SGCZ: variants seen among roughly 807,000 people sequenced by gnomAD.
SGCZ encodes the protein sarcoglycan zeta.
SGCZ carries 40 observed loss-of-function variants against 41.3 expected under a neutral mutation model. That is an observed-to-expected ratio of 0.97 (90% CI 0.75 to 1.26). The LOEUF (loss-of-function observed/expected upper bound fraction) is 1.26. SGCZ is among the 50% of genes most tolerant of loss of function. SGCZ has a pLI of 0.00. For missense variants in SGCZ, 552 were observed against 369.8 expected, an observed-to-expected ratio of 1.49 and a Z score of -4.04; for synonymous variants, 206 against 137.5, an observed-to-expected ratio of 1.50 and a Z score of -3.49.
chr8:14,807,458 C>T (rs917635773), intron 1 of SGCZ, among the ~76,000 whole-genome samples: 5 of 152,044 alleles, frequency 3.3e-5, no homozygotes, highest in African/African-American at 1.2e-4. Flanking sequence ...AGAGCCAAAT[C>T]ATGAGTGAAC....
intron 2 of SGCZ, among the ~76,000 whole-genome samples, chr8:14,481,329 A>T (rs1801529328): frequency 6.6e-6 from 1 of 152,230 alleles, no homozygotes. Flanking sequence ...GGAGACTCAT[A>T]CATGACTTAT....
At chr8:14,508,775 A>C (rs969289085) in intron 2 of SGCZ, among the ~76,000 whole-genome samples, 1 of 152,186 alleles carries the variant, frequency 6.6e-6, no homozygotes, top group African/African-American at 2.4e-5. Flanking sequence ...ACCGTTTCAC[A>C]TGTATTTATG....
At chr8:14,834,398 C>A (rs1802629517) in intron 1 of SGCZ, among the ~76,000 whole-genome samples, 1 of 152,086 alleles carries the variant, frequency 6.6e-6, no homozygotes, top group Non-Finnish European at 1.5e-5. Flanking sequence ...ATTACCAAAT[C>A]AATTTTTAAG....
At chr8:14,979,412 A>C (rs1801589438) in intron 1 of SGCZ, among the ~76,000 whole-genome samples, 1 of 152,214 alleles carries the variant, frequency 6.6e-6, no homozygotes, top group Admixed American at 6.5e-5. Context: ...TAGCCATTAA[A>C]AATTAAAGAA....
chr8:14,736,013 T>C (rs1276958350), intron 1 of SGCZ, among the ~76,000 whole-genome samples: 1 of 152,082 alleles, frequency 6.6e-6, no homozygotes, highest in Admixed American at 6.6e-5. Flanking sequence ...GTAAGCAGGC[T>C]GAGACCTAAA....
At chr8:14,314,164 T>C (rs1801640253) in intron 3 of SGCZ, among the ~76,000 whole-genome samples, 1 of 152,076 alleles carries the variant, frequency 6.6e-6, no homozygotes, top group Non-Finnish European at 1.5e-5. Context: ...AACATGCTTT[T>C]TTGTTTGTTT....
intron 1 of SGCZ, among the ~76,000 whole-genome samples, chr8:14,675,669 G>C (rs1263665871): frequency 6.6e-6 from 1 of 152,154 alleles, no homozygotes; most frequent in Non-Finnish European, 1.5e-5. Flanking sequence ...TGGACAGAAA[G>C]AGAGGGACAG....
chr8:15,154,475 T>C (rs1309037710), intron 1 of SGCZ, among the ~76,000 whole-genome samples: 1 of 151,932 alleles, frequency 6.6e-6, no homozygotes, highest in Non-Finnish European at 1.5e-5. Flanking sequence ...TTAGAGAGGG[T>C]CACCAGAGAG....
At chr8:14,344,743 G>C (rs1802833213) in intron 2 of SGCZ, among the ~76,000 whole-genome samples, 1 of 152,038 alleles carries the variant, frequency 6.6e-6, no homozygotes, top group Non-Finnish European at 1.5e-5. Context: ...GAATGAAACA[G>C]TCAATTGTGG....
At chr8:15,232,357 AT>A (rs1337818210) in intron 1 of SGCZ, among the ~76,000 whole-genome samples, 1 of 152,138 alleles carries the variant, frequency 6.6e-6, no homozygotes, top group African/African-American at 2.4e-5. Context: ...TGTATTTTCA[AT>A]TGGTAAACTC....
intron 1 of SGCZ, among the ~76,000 whole-genome samples, chr8:14,858,998 C>G (rs2130673461): frequency 6.6e-6 from 1 of 152,116 alleles, no homozygotes; most frequent in South Asian, 2.1e-4. Flanking sequence ...GAAAAAAAGA[C>G]CTAATATTCA....
At chr8:14,748,088 G>A (rs1799391158) in intron 1 of SGCZ, among the ~76,000 whole-genome samples, 1 of 151,960 alleles carries the variant, frequency 6.6e-6, no homozygotes, top group South Asian at 2.1e-4. Context: ...TGGCATGTAA[G>A]AATCACATAC....
intron 1 of SGCZ, among the ~76,000 whole-genome samples, chr8:15,047,880 T>C (rs1452224659): frequency 6.6e-6 from 1 of 152,012 alleles, no homozygotes; most frequent in African/African-American, 2.4e-5. Context: ...TAGTACACTG[T>C]TGGTGAAAAT....
chr8:14,377,352 C>T (rs1403933306), intron 2 of SGCZ, among the ~76,000 whole-genome samples: 1 of 152,124 alleles, frequency 6.6e-6, no homozygotes, highest in Non-Finnish European at 1.5e-5. Context: ...ATACCTTGCC[C>T]TATGTGTCTC....
At chr8:14,584,050 A>T (rs2117266881) in intron 1 of SGCZ, among the ~76,000 whole-genome samples, 1 of 152,190 alleles carries the variant, frequency 6.6e-6, no homozygotes, top group South Asian at 2.1e-4. Context: ...TATAAGTCCT[A>T]TTCTTTATCT....
chr8:15,173,887 C>G (rs901020286), intron 1 of SGCZ, among the ~76,000 whole-genome samples: 1 of 152,078 alleles, frequency 6.6e-6, no homozygotes, highest in Admixed American at 6.6e-5. Flanking sequence ...ACCACCACAC[C>G]TGGCTAATTT....
chr8:15,195,210 G>C (rs868503530), intron 1 of SGCZ, among the ~76,000 whole-genome samples: 3 of 152,104 alleles, frequency 2.0e-5, no homozygotes, highest in African/African-American at 7.2e-5. Context: ...CATTTTCCGG[G>C]TACCCTGCAG....
intron 2 of SGCZ, among the ~76,000 whole-genome samples, chr8:14,518,581 T>C (rs888069714): frequency 3.3e-5 from 5 of 152,130 alleles, no homozygotes; most frequent in Admixed American, 3.3e-4. Flanking sequence ...TAGAATTCCT[T>C]ACTGGGTTTG....
At chr8:14,778,560 G>A (rs1800484470) in intron 1 of SGCZ, among the ~76,000 whole-genome samples, 1 of 151,896 alleles carries the variant, frequency 6.6e-6, no homozygotes, top group African/African-American at 2.4e-5. Flanking sequence ...AGTCTAGAAA[G>A]AATTTTAAAA....
Sources: allele counts gnomAD v4.1 joint callset (sites outside exome capture counted in the v4.1 genomes callset), GRCh38; gene constraint gnomAD v4.1.1; transcripts MANE v1.5; gene names NCBI Gene and HGNC (gene_info 2026-07-23, HGNC 2026-07-21).